FAM131C: variants seen among roughly 807,000 people sequenced by gnomAD.
FAM131C encodes the protein family with sequence similarity 131 member C.
A neutral mutation model predicts 29.8 loss-of-function variants in FAM131C; 14 were observed. That is an observed-to-expected ratio of 0.47 (90% CI 0.31 to 0.73). The LOEUF is 0.73. Ranked by LOEUF, FAM131C falls within the 30% of genes least tolerant of loss-of-function variation. The pLI is 0.05. For synonymous variants in FAM131C, 86 were observed against 157.8 expected (o/e 0.54, Z 3.41); for missense variants, 252 against 383.8 (o/e 0.66, Z 2.87).
chr1:16,065,217 C>G (rs1042171970), intron 1 of FAM131C, among the ~76,000 whole-genome samples: 2 of 152,192 alleles, frequency 1.3e-5, no homozygotes, highest in African/African-American at 4.8e-5. Flanking sequence ...TTCCCCCCAT[C>G]CCCCACTGCA....
intron 1 of FAM131C, among the ~76,000 whole-genome samples, chr1:16,072,895 G>A (rs1301114431): frequency 6.6e-6 from 1 of 152,080 alleles, no homozygotes; most frequent in African/African-American, 2.4e-5. Flanking sequence ...TAGGGGGCAG[G>A]GGAACCTTCT....
intron 1 of FAM131C, among the ~76,000 whole-genome samples, chr1:16,072,790 C>T (rs950579986): frequency 2.0e-5 from 3 of 151,918 alleles, no homozygotes; most frequent in Admixed American, 2.0e-4. Flanking sequence ...GGTGACAGGT[C>T]AGACACAGAG....
At chr1:16,069,331 C>T (rs1461539444) in intron 1 of FAM131C, among the ~76,000 whole-genome samples, 1 of 152,228 alleles carries the variant, frequency 6.6e-6, no homozygotes, top group Non-Finnish European at 1.5e-5. Context: ...AAGGTCCCAC[C>T]TACCCTTTCC....
rs2023779111 is a variant in FAM131C, at chr1:16,073,416, C to T, written c.22+5G>A. 1.6e-6 allele frequency: 2 copies of T among 1,212,220 alleles called. No individual in the cohort carries two copies. The highest frequency in any genetic ancestry group is 4.3e-5 in the Admixed American group (1 of 23,046). 75.1% of individuals were successfully genotyped at this position (1,212,220 alleles called of 1,614,324 possible). On this transcript the variant is annotated splice_donor_5th_base_variant and intron_variant, in intron 1 of 6. Coordinates refer to ENST00000375662, the MANE Select transcript of FAM131C (RefSeq NM_182623.3). The stretch of plus-strand genomic sequence containing the variant: ...ATCCCCCCGCCCCCGGCCGGGCCCC[C>T]TCACCTCGCGACACGCAGGAGCCCA...
At chr1:16,066,747 A>T (rs1383346965) in intron 1 of FAM131C, among the ~76,000 whole-genome samples, 1 of 152,198 alleles carries the variant, frequency 6.6e-6, no homozygotes, top group Non-Finnish European at 1.5e-5. Context: ...CACAGAGTAA[A>T]AATTTTCTCT....
chr1:16,066,451 T>C (rs956487421), intron 1 of FAM131C, among the ~76,000 whole-genome samples: 2 of 152,212 alleles, frequency 1.3e-5, no homozygotes, highest in South Asian at 2.1e-4. Context: ...TTCTTTTTCC[T>C]GAGTCCCTGC....
intron 1 of FAM131C, among the ~76,000 whole-genome samples, chr1:16,065,156 G>A (rs1399797056): frequency 5.3e-5 from 8 of 152,116 alleles, no homozygotes; most frequent in Non-Finnish European, 1.2e-4. Context: ...ATGCCCAAGG[G>A]GCACCCCAAG....
rs1180835473 is a variant in FAM131C, at chr1:16,059,575, C to G, written c.481G>C (p.Ala161Pro). ...AGCGAGGACCAAGCGCTCAGTGTGG[C>G]CTCTGTGATGGCAAACTGCTCGGCG... ...GVAEQFAITE[A>P]TLSAWSSLDE... is the part of the protein sequence containing the mutation. The change falls in exon 6 of 7, where the codon GCC (alanine) becomes CCC (proline). Residue 161 changes from alanine (A) to proline (P), a missense_variant. Physicochemically the swap from Ala to Pro is conservative, Grantham distance 27 (BLOSUM62 -1). Transcript: ENST00000375662. The G allele has an allele frequency of 1.2e-6, 2 of 1,602,432 alleles. No homozygotes were observed. The highest frequency in any genetic ancestry group is 1.7e-6 in the Non-Finnish European group (2 of 1,172,774).
At chr1:16,070,540 C>G (rs1477763222) in intron 1 of FAM131C, among the ~76,000 whole-genome samples, 3 of 152,228 alleles carry the variant, frequency 2.0e-5, no homozygotes, top group African/African-American at 7.2e-5. Context: ...ACCTGTAATC[C>G]CAGCACTTTG....
Position 16,059,891 on chromosome 1 carries a change from C to A in FAM131C, c.429G>T (p.Leu143=), listed in dbSNP as rs750361083. The A allele has an allele frequency of 1.2e-6, 2 of 1,611,830 alleles. No individual in the cohort carries two copies. Among genetic ancestry groups the A allele is most frequent in the Non-Finnish European group, 1.7e-6 (2 of 1,179,906 alleles). ...DEHYCCLPDE[L]REARFAAGVA... The stretch of plus-strand genomic sequence containing the variant: ...GACCTGCAGCAAAGCGGGCCTCACG[C>A]AGCTCATCCGGGAGGCAGCAGTAAT... Residue 143 remains leucine (L), a synonymous_variant, in exon 5 of 7, where the codon CTG becomes CTT. Coordinates refer to ENST00000375662, the MANE Select transcript of FAM131C (RefSeq NM_182623.3).
chr1:16,062,045 C>T, intron 4 of FAM131C, 54 bp downstream of exon 4: 2 of 1,572,846 alleles, frequency 1.3e-6, no homozygotes, highest in Admixed American at 1.7e-5. Context: ...CAGCCAGGGT[C>T]TAGGGTGGGA....
chr1:16,072,305 G>C (rs1014370965), intron 1 of FAM131C, among the ~76,000 whole-genome samples: 2 of 152,230 alleles, frequency 1.3e-5, no homozygotes, highest in African/African-American at 4.8e-5. Context: ...AATGCCCACA[G>C]GAACTCCTGA....
At chr1:16,070,532 C>T (rs1312474108) in intron 1 of FAM131C, among the ~76,000 whole-genome samples, 1 of 152,124 alleles carries the variant, frequency 6.6e-6, no homozygotes, top group Admixed American at 6.5e-5. Flanking sequence ...TGGCTCACAC[C>T]TGTAATCCCA....
chr1:16,068,291 C>T (rs1383902951), intron 1 of FAM131C, among the ~76,000 whole-genome samples: 1 of 152,226 alleles, frequency 6.6e-6, no homozygotes, highest in Non-Finnish European at 1.5e-5. Flanking sequence ...GGGACTTAGC[C>T]CCTGTGAGCC....
intron 1 of FAM131C, among the ~76,000 whole-genome samples, chr1:16,066,798 T>A (rs893571899): frequency 1.3e-5 from 2 of 152,204 alleles, no homozygotes; most frequent in Non-Finnish European, 2.9e-5. Flanking sequence ...ATTATTCCTA[T>A]GGGTCCAGTC....
At chr1:16,068,503 G>A (rs1331000190) in intron 1 of FAM131C, among the ~76,000 whole-genome samples, 2 of 152,248 alleles carry the variant, frequency 1.3e-5, no homozygotes, top group African/African-American at 4.8e-5. Flanking sequence ...AGGCTCCGCA[G>A]AGGGAAGCCC....
chr1:16,073,150 A>C (rs1437624790), intron 1 of FAM131C, among the ~76,000 whole-genome samples: 1 of 151,978 alleles, frequency 6.6e-6, no homozygotes, highest in East Asian at 1.9e-4. Context: ...TGTAGGGATG[A>C]GAGCGCGGCA....
chr1:16,063,451 C>T (rs1436387376), intron 2 of FAM131C, 70 bp downstream of exon 2: 23 of 1,213,614 alleles, frequency 1.9e-5, no homozygotes, highest in Non-Finnish European at 2.6e-5. Flanking sequence ...ATGGATTCTG[C>T]TCCCTGCGGG....
At chr1:16,070,927 C>T (rs1051403252) in intron 1 of FAM131C, among the ~76,000 whole-genome samples, 4 of 152,236 alleles carry the variant, frequency 2.6e-5, no homozygotes, top group Admixed American at 6.5e-5. Flanking sequence ...TAACTGCTGC[C>T]GATGCTGGGA....
Sources: allele counts gnomAD v4.1 joint callset (sites outside exome capture counted in the v4.1 genomes callset), GRCh38; gene constraint gnomAD v4.1.1; transcripts MANE v1.5; gene names NCBI Gene and HGNC (gene_info 2026-07-23, HGNC 2026-07-21).